CDC5L: variants seen among roughly 807,000 people sequenced by gnomAD.
The protein encoded by CDC5L is cell division cycle 5-like protein.
CDC5L carries 18 observed loss-of-function variants against 104.1 expected under a neutral mutation model. That is an observed-to-expected ratio of 0.17 (90% CI 0.12 to 0.26). The LOEUF (loss-of-function observed/expected upper bound fraction) is 0.26. CDC5L is among the 10% of genes least tolerant of loss of function. CDC5L has a pLI of 1.00. For synonymous variants in CDC5L, 331 were observed against 322.7 expected, an observed-to-expected ratio of 1.03 and a Z score of -0.28; for missense variants, 673 against 956.9, an observed-to-expected ratio of 0.70 and a Z score of 3.91.
At chr6:44,407,212 A>G (rs1021724540) in intron 7 of CDC5L, among the ~76,000 whole-genome samples, 1 of 152,154 alleles carries the variant, frequency 6.6e-6, no homozygotes, top group Non-Finnish European at 1.5e-5. Context: ...AACAGTTGTG[A>G]AAGTCAATGT....
chr6:44,426,715 G>C lies in CDC5L; in HGVS notation c.1884G>C (p.Glu628Asp). The change falls in exon 13 of 16, where the codon GAG (glutamate) becomes GAC (aspartate). Residue 628 changes from glutamate to aspartate, a missense_variant. Glu to Asp is a conservative substitution (Grantham distance 45, BLOSUM62 2). This residue lies in a region of CDC5L where 578 missense variants were observed against 737.0 expected (regional missense o/e 0.78). Transcript: ENST00000371477. ...HNPYEKFSKE[E>D]LKKAQDVLVQ... Reference sequence around the variant, plus strand: ...CTTATGAAAAGTTCTCCAAAGAAGAGCTGAAAAAGGTATGATTGAGCTGGA... The same window carrying C: ...CTTATGAAAAGTTCTCCAAAGAAGACCTGAAAAAGGTATGATTGAGCTGGA... The C allele has an allele frequency of 6.2e-7, 1 of 1,612,488 alleles. No individual in the cohort carries two copies. Among genetic ancestry groups the C allele is most frequent in the Non-Finnish European group, 8.5e-7 (1 of 1,179,292 alleles).
At chr6:44,417,484 G>A (rs1300526810) in intron 8 of CDC5L, among the ~76,000 whole-genome samples, 1 of 152,168 alleles carries the variant, frequency 6.6e-6, no homozygotes, top group East Asian at 1.9e-4. Context: ...AGCCCACCTA[G>A]ATTTATGGGG....
intron 8 of CDC5L, among the ~76,000 whole-genome samples, chr6:44,411,465 AT>A (rs35614608): frequency 1 from 152,057 of 152,236 alleles, 75,939 homozygotes; most frequent in Middle Eastern, 1. Context: ...CCAATCTAAA[AT>A]TAAAAACTTC....
intron 13 of CDC5L, among the ~76,000 whole-genome samples, chr6:44,427,529 C>T (rs1035548596): frequency 1.3e-5 from 2 of 152,154 alleles, no homozygotes; most frequent in Non-Finnish European, 2.9e-5. Context: ...CCTCTTTCTT[C>T]GCTTTTCACA....
At chr6:44,433,647 G>A (rs1792790112) in intron 14 of CDC5L, among the ~76,000 whole-genome samples, 1 of 152,080 alleles carries the variant, frequency 6.6e-6, no homozygotes, top group African/African-American at 2.4e-5. Flanking sequence ...TAATTTACTG[G>A]CACAGTCAAC....
At chr6:44,432,087 C>A (rs1422339009) in intron 14 of CDC5L, among the ~76,000 whole-genome samples, 2 of 152,116 alleles carry the variant, frequency 1.3e-5, no homozygotes, top group African/African-American at 4.8e-5. Context: ...AAAAGAAAAG[C>A]AGCTCAAAGA....
At chr6:44,442,119 T>A (rs1025221392) in intron 14 of CDC5L, among the ~76,000 whole-genome samples, 2 of 151,982 alleles carry the variant, frequency 1.3e-5, no homozygotes, top group Non-Finnish European at 2.9e-5. Context: ...ATATTTTTAG[T>A]AGAGACGGGA....
chr6:44,407,078 C>G (rs1791404382), intron 7 of CDC5L, among the ~76,000 whole-genome samples: 1 of 152,152 alleles, frequency 6.6e-6, no homozygotes, highest in South Asian at 2.1e-4. Context: ...ATTTTGTCAA[C>G]AGGGTAGGGC....
At chr6:44,407,330 CTT>C (rs869258034) in intron 7 of CDC5L, among the ~76,000 whole-genome samples, 17 of 141,794 alleles carry the variant, frequency 1.2e-4, no homozygotes, top group East Asian at 2.0e-4. Flanking sequence ...TTAGGGTAAC[CTT>C]TTTTTTTTTT....
chr6:44,441,775 A>G (rs891508995), intron 14 of CDC5L, among the ~76,000 whole-genome samples: 5 of 151,838 alleles, frequency 3.3e-5, no homozygotes, highest in African/African-American at 1.2e-4. Context: ...AGAAATGTCT[A>G]TTCAGGTCCT....
At chr6:44,397,360 T>C (rs1472158126) in intron 5 of CDC5L, among the ~76,000 whole-genome samples, 1 of 152,258 alleles carries the variant, frequency 6.6e-6, no homozygotes, top group African/African-American at 2.4e-5. Flanking sequence ...TAAAACTGCA[T>C]GATTTATTAA....
chr6:44,422,181 AAGG>A lies in CDC5L; in HGVS notation c.1242-461_1242-459del, dbSNP rs1445046222. ...TGTTTGGTTTCCAAACAAAATGTAA[AAGG>A]AGGAACTATTTAATAAAGTGTGTAC... is the stretch of plus-strand genomic sequence containing the variant. On this transcript the variant is annotated intron_variant, in intron 9 of 15. Transcript: ENST00000371477. Among the ~76,000 whole-genome samples, 3 of 152,212 alleles carry A rather than the reference AAGG, an allele frequency of 2.0e-5. No individual in the cohort carries two copies. The East Asian group carries it at 5.8e-4, about 29-fold the overall frequency.
chr6:44,396,371 C>T lies in CDC5L; in HGVS notation c.470C>T (p.Ala157Val). Residue 157 changes from alanine to valine, a missense_variant, in exon 5 of 16, where the codon GCC (alanine) becomes GTC (valine). By Grantham distance (64) the Ala-to-Val change is moderately conservative. Transcript: ENST00000371477. ...CTTGAGATGCTTTCTGAAGCCAGAG[C>T]CCGCTTGGCTAATACTCAGGGAAAG... Reference protein sequence around the residue: ...DELEMLSEARARLANTQGKKA... With the variant: ...DELEMLSEARVRLANTQGKKA... 6.2e-7 allele frequency: 1 copy of T among 1,609,406 alleles called. No individual in the cohort carries two copies. Among genetic ancestry groups the T allele is most frequent in the Non-Finnish European group, 8.5e-7 (1 of 1,178,360 alleles).
At chr6:44,441,154 C>T (rs1233179839) in intron 14 of CDC5L, among the ~76,000 whole-genome samples, 1 of 152,166 alleles carries the variant, frequency 6.6e-6, no homozygotes, top group African/African-American at 2.4e-5. Flanking sequence ...TACCCTTTAC[C>T]CCAGTATCCT....
intron 2 of CDC5L, among the ~76,000 whole-genome samples, chr6:44,391,849 G>A (rs1238361758): frequency 6.6e-6 from 1 of 151,628 alleles, no homozygotes; most frequent in Non-Finnish European, 1.5e-5. Context: ...TCTTCTAAAA[G>A]TACAAAAATT....
chr6:44,408,775 A>G (rs1791494747), intron 8 of CDC5L, 143 bp downstream of exon 8: 1 of 474,434 alleles, frequency 2.1e-6, no homozygotes, highest in South Asian at 6.8e-5. Context: ...ATCTTGCAAT[A>G]TTTCTGTAGT....
intron 13 of CDC5L, among the ~76,000 whole-genome samples, chr6:44,428,443 A>C (rs989699141): frequency 6.6e-6 from 1 of 152,180 alleles, no homozygotes; most frequent in African/African-American, 2.4e-5. Context: ...TTCATAAGCC[A>C]TGAAGCAAAG....
chr6:44,435,282 T>G (rs1427202540), intron 14 of CDC5L, among the ~76,000 whole-genome samples: 2 of 151,922 alleles, frequency 1.3e-5, no homozygotes, highest in South Asian at 2.1e-4. Flanking sequence ...TTTTGAGAGA[T>G]ATTTGTTTTC....
rs11571911 is a variant in CDC5L at position 44,390,288 on chromosome 6, G to A, written c.66G>A (p.Ala22=). ...TTTAGGATGAAATTCTGAAAGCAGC[G>A]GTAATGAAATATGGGAAAAATCAGT... ...RNTEDEILKA[A]VMKYGKNQWS... The change falls in exon 2 of 16, where the codon GCG becomes GCA. Residue 22 remains alanine (A), a synonymous_variant. Coordinates refer to ENST00000371477, the MANE Select transcript of CDC5L (RefSeq NM_001253.4). 3.2e-4 allele frequency: 522 copies of A among 1,612,514 alleles called. 1 individual carries two copies. In the African/African-American group the frequency reaches 5.9e-3, roughly 18 times the overall value.
Sources: gnomAD v4.1 joint callset for allele counts (sites outside exome capture counted in the v4.1 genomes callset) on GRCh38, gnomAD v4.1.1 for gene constraint, gnomAD v4.1.1 regional missense constraint, MANE v1.5 for transcripts, NCBI Gene and HGNC (gene_info 2026-07-23, HGNC 2026-07-21) for gene names.